The following GPHN variants were observed in gnomAD, a reference collection of about 807,000 sequenced individuals.
GPHN encodes the protein gephyrin.
GPHN carries 17 observed loss-of-function variants against 95.5 expected under a neutral mutation model. The observed-to-expected ratio is 0.18, with a 90% confidence interval of 0.12 to 0.27. GPHN has a LOEUF of 0.27. GPHN is among the 10% of genes least tolerant of loss of function. The pLI is 1.00. For missense variants in GPHN, 660 were observed against 978.1 expected, an observed-to-expected ratio of 0.67 and a Z score of 4.34; for synonymous variants, 320 against 322.5, an observed-to-expected ratio of 0.99 and a Z score of 0.08.
chr14:67,528,648 C>T, the GPHN span, among the ~76,000 whole-genome samples: 2 of 152,318 alleles, frequency 1.3e-5, 1 homozygote, highest in South Asian at 4.1e-4. Context: ...GGTGCTCTTT[C>T]TCCCTCCCTC....
intron 9 of GPHN, among the ~76,000 whole-genome samples, chr14:66,991,620 CAAA>C (rs11429395): frequency 1.5e-5 from 2 of 132,674 alleles, no homozygotes; most frequent in African/African-American, 2.7e-5. Flanking sequence ...TCCAATATAG[CAAA>C]AAAAAAAAAA....
At chr14:66,529,240 TC>T (rs1218458209) in intron 1 of GPHN, among the ~76,000 whole-genome samples, 1 of 152,034 alleles carries the variant, frequency 6.6e-6, no homozygotes, top group African/African-American at 2.4e-5. Context: ...TATCATTTCT[TC>T]TGCTTGATCA....
At chr14:67,339,877 T>C in the GPHN span, among the ~76,000 whole-genome samples, 1 of 152,062 alleles carries the variant, frequency 6.6e-6, no homozygotes, top group African/African-American at 2.4e-5. Context: ...GGCAGGTGGA[T>C]TGCTTGAGGT....
At chr14:66,669,475 T>C (rs2066171563) in intron 1 of GPHN, among the ~76,000 whole-genome samples, 1 of 151,464 alleles carries the variant, frequency 6.6e-6, no homozygotes, top group Non-Finnish European at 1.5e-5. Context: ...TTTTTTAAAC[T>C]CTTGAATCTC....
At chr14:67,648,078 A>G in the GPHN span, 1 of 1,613,636 alleles carries the variant, frequency 6.2e-7, no homozygotes, top group East Asian at 2.2e-5. Context: ...GAGTTTTGAT[A>G]TTGATGCATT....
chr14:67,230,338 G>A, the GPHN span, among the ~76,000 whole-genome samples: 13 of 152,202 alleles, frequency 8.5e-5, no homozygotes, highest in East Asian at 2.5e-3. Flanking sequence ...CCAGCACTTT[G>A]GGCGGCTGAG....
At chr14:67,317,287 A>G in the GPHN span, 1 of 810,858 alleles carries the variant, frequency 1.2e-6, no homozygotes. Context: ...ACATATGGAG[A>G]TCTCGTTTCT....
At chr14:67,455,256 T>C in the GPHN span, among the ~76,000 whole-genome samples, 3,108 of 152,258 alleles carry the variant, frequency 0.02, 177 homozygotes, top group South Asian at 0.12. Flanking sequence ...ACCCTCGTTC[T>C]CACCCTCCTC....
chr14:67,611,622 C>T, the GPHN span, among the ~76,000 whole-genome samples: 3 of 152,046 alleles, frequency 2.0e-5, no homozygotes, highest in Non-Finnish European at 2.9e-5. Flanking sequence ...TACTTTGTAT[C>T]GGTTGCAAAG....
intron 9 of GPHN, among the ~76,000 whole-genome samples, chr14:66,991,120 A>G (rs145598316): frequency 6.6e-6 from 1 of 152,232 alleles, no homozygotes; most frequent in East Asian, 1.9e-4. Flanking sequence ...TTCAACATTG[A>G]TTCATAAAAT....
At chr14:67,097,071 T>A (rs191623744) in intron 12 of GPHN, among the ~76,000 whole-genome samples, 42 of 152,330 alleles carry the variant, frequency 2.8e-4, no homozygotes, top group African/African-American at 7.9e-4. Context: ...CATTTTTGAA[T>A]ACTTAACATA....
chr14:67,203,035 A>G, the GPHN span: 2 of 1,549,902 alleles, frequency 1.3e-6, no homozygotes, highest in African/African-American at 1.4e-5. Flanking sequence ...TCAGGCAAGC[A>G]AGGTTGTCAA....
chr14:66,999,656 A>C (rs1338742537), intron 9 of GPHN, among the ~76,000 whole-genome samples: 4 of 150,584 alleles, frequency 2.7e-5, no homozygotes, highest in Non-Finnish European at 1.5e-5. Context: ...AAGCAAAGTG[A>C]AAAAAAAAGA....
intron 9 of GPHN, among the ~76,000 whole-genome samples, chr14:67,003,611 G>C (rs1056125319): frequency 2.6e-5 from 4 of 151,634 alleles, no homozygotes; most frequent in African/African-American, 7.2e-5. Flanking sequence ...TTGGGACAAG[G>C]ACTTCCCCAC....
intron 9 of GPHN, among the ~76,000 whole-genome samples, chr14:67,013,657 A>G (rs992227851): frequency 1.3e-5 from 2 of 152,012 alleles, no homozygotes; most frequent in Non-Finnish European, 2.9e-5. Context: ...TACATCTTTC[A>G]TGTGCCTTAT....
chr14:66,723,040 G>A (rs1213954248), intron 2 of GPHN, among the ~76,000 whole-genome samples: 1 of 151,786 alleles, frequency 6.6e-6, no homozygotes, highest in Non-Finnish European at 1.5e-5. Context: ...TTGCATATAG[G>A]GTTTTTTCCT....
At chr14:67,507,364 C>T in the GPHN span, among the ~76,000 whole-genome samples, 2 of 151,866 alleles carry the variant, frequency 1.3e-5, no homozygotes, top group African/African-American at 4.8e-5. Context: ...TAAACAAAAA[C>T]AAAAACAAAA....
the GPHN span, among the ~76,000 whole-genome samples, chr14:67,702,697 A>G: frequency 6.6e-6 from 1 of 152,254 alleles, no homozygotes; most frequent in Non-Finnish European, 1.5e-5. Flanking sequence ...ATGAGTGCTC[A>G]TTTATCTATA....
chr14:67,382,879 A>G, the GPHN span, among the ~76,000 whole-genome samples: 1 of 151,572 alleles, frequency 6.6e-6, no homozygotes, highest in African/African-American at 2.4e-5. Context: ...TTGTCCAACA[A>G]GAAAGAAGTG....
Sources: gnomAD v4.1 joint callset for allele counts (sites outside exome capture counted in the v4.1 genomes callset) on GRCh38, gnomAD v4.1.1 for gene constraint, MANE v1.5 for transcripts, NCBI Gene and HGNC (gene_info 2026-07-23, HGNC 2026-07-21) for gene names.